MED12L: variants seen among roughly 807,000 people sequenced by gnomAD.
The protein encoded by MED12L is mediator of RNA polymerase II transcription subunit 12-like protein.
MED12L carries 60 observed loss-of-function variants against 281.3 expected under a neutral mutation model. The observed-to-expected ratio is 0.21, with a 90% CI of 0.17 to 0.26. MED12L has a LOEUF of 0.26. MED12L is among the 10% of genes least tolerant of loss of function. The pLI, the probability that MED12L is intolerant of heterozygous loss-of-function variation, is 1.00. For synonymous variants in MED12L, 974 were observed against 987.2 expected, an observed-to-expected ratio of 0.99 and a Z score of 0.25; for missense variants, 2,146 against 2,680.9, an observed-to-expected ratio of 0.80 and a Z score of 4.41.
intron 11 of MED12L, among the ~76,000 whole-genome samples, chr3:151,172,715 G>A (rs1721584994): frequency 6.6e-6 from 1 of 152,218 alleles, no homozygotes; most frequent in Non-Finnish European, 1.5e-5. Context: ...ACTGCAGAAA[G>A]TCAAATAAGG....
At chr3:151,271,530 G>A (rs1474995756) in intron 16 of MED12L, among the ~76,000 whole-genome samples, 5 of 152,148 alleles carry the variant, frequency 3.3e-5, no homozygotes, top group Admixed American at 3.3e-4. Flanking sequence ...GAAAGTGTAT[G>A]TCCATAGAAA....
At chr3:151,233,870 A>G (rs1402552138) in intron 16 of MED12L, among the ~76,000 whole-genome samples, 1 of 152,172 alleles carries the variant, frequency 6.6e-6, no homozygotes, top group African/African-American at 2.4e-5. Context: ...TGTGTTTTTT[A>G]TTTCCTCCCT....
At chr3:151,367,406 A>G (rs1206268053) in intron 23 of MED12L, among the ~76,000 whole-genome samples, 2 of 152,182 alleles carry the variant, frequency 1.3e-5, no homozygotes, top group Non-Finnish European at 2.9e-5. Flanking sequence ...ATTTGCATGT[A>G]TGCAAGTCAA....
intron 38 of MED12L, among the ~76,000 whole-genome samples, chr3:151,391,184 C>A (rs1325800458): frequency 1.3e-5 from 2 of 152,156 alleles, no homozygotes; most frequent in Non-Finnish European, 2.9e-5. Context: ...GTTTATGTTA[C>A]ACACACATAC....
intron 16 of MED12L, among the ~76,000 whole-genome samples, chr3:151,231,552 GA>G (rs1450092494): frequency 6.6e-6 from 1 of 152,134 alleles, no homozygotes; most frequent in African/African-American, 2.4e-5. Context: ...TTTAGAATAT[GA>G]AACATTTGAT....
intron 37 of MED12L, 78 bp downstream of exon 37, chr3:151,388,250 C>G: frequency 6.7e-7 from 1 of 1,487,938 alleles, no homozygotes; most frequent in Non-Finnish European, 8.9e-7. Context: ...TCATATCCCT[C>G]GAAACATTAC....
chr3:151,129,999 G>T (rs1715140162), intron 5 of MED12L, among the ~76,000 whole-genome samples: 1 of 151,888 alleles, frequency 6.6e-6, no homozygotes, highest in South Asian at 2.1e-4. Context: ...GAATGCCTGG[G>T]CTCAAGTGAT....
chr3:151,430,259 C>T (rs1252348769), intron 43 of MED12L, 40 bp from the exon 44 acceptor site: 3 of 1,612,834 alleles, frequency 1.9e-6, no homozygotes, highest in East Asian at 2.2e-5. Context: ...TGATTGGCAC[C>T]ATGGAATGAT....
chr3:151,224,162 G>A (rs921637569), intron 16 of MED12L, among the ~76,000 whole-genome samples: 3 of 152,120 alleles, frequency 2.0e-5, no homozygotes, highest in Non-Finnish European at 4.4e-5. Flanking sequence ...TTCAAATAAT[G>A]CTTTTATCAG....
At chr3:151,102,172 G>A (rs1187496319) in intron 2 of MED12L, among the ~76,000 whole-genome samples, 1 of 152,100 alleles carries the variant, frequency 6.6e-6, no homozygotes, top group African/African-American at 2.4e-5. Context: ...TTGTAGCTTT[G>A]GTTTATACTG....
intron 16 of MED12L, among the ~76,000 whole-genome samples, chr3:151,280,286 A>C (rs981016663): frequency 2.0e-5 from 3 of 152,178 alleles, no homozygotes; most frequent in African/African-American, 7.2e-5. Context: ...TCATCTTGGG[A>C]TGGGCCAGTG....
Position 151,355,168 on chromosome 3 carries a change from C to G in MED12L, c.2446C>G (p.Pro816Ala). Residue 816 changes from proline (P) to alanine (A), a missense_variant, in exon 18 of 45, where the codon CCA becomes GCA. Around this residue, in one of 9 missense-constraint regions of MED12L, gnomAD observed 404 missense variants for 603.5 expected, o/e 0.67. Transcript: ENST00000687756. ...KARKNKQETF[P>A]TLETVFTKLQ... ...CAGGAAGAACAAACAGGAGACATTT[C>G]CAACACTGGAGACTGTGTTCACTAA... The G allele has an allele frequency of 1.2e-6, 2 of 1,614,004 alleles. No homozygotes were observed. The highest frequency in any genetic ancestry group is 1.7e-6 in the Non-Finnish European group (2 of 1,179,942).
intron 4 of MED12L, among the ~76,000 whole-genome samples, chr3:151,126,075 A>G (rs1434584053): frequency 4.3e-5 from 6 of 138,888 alleles, no homozygotes; most frequent in African/African-American, 1.4e-4. Flanking sequence ...TTGAGACATG[A>G]TCTTGCTGTA....
Position 151,432,891 on chromosome 3 carries a change from C to T in MED12L, c.*87C>T. ...AATGCATTAGTCATCTTAAAAATGT[C>T]CCTTTTTTTCATTTCTTTGACATTT... On this transcript the variant is annotated 3_prime_UTR_variant, in exon 45 of 45. Transcript: ENST00000687756. 1 of 961,816 alleles carries T rather than the reference C, an allele frequency of 1.0e-6. No homozygotes were observed. Among genetic ancestry groups the T allele is most frequent in the Non-Finnish European group, 1.5e-6 (1 of 647,428 alleles). The allele number at this position is 961,816 out of a possible 1,614,324, so 59.6% of individuals were successfully genotyped here. A position where few individuals can be genotyped will look rare whatever the true frequency, so the allele number is the denominator to read the frequency against.
chr3:151,232,071 A>T (rs1449302883), intron 16 of MED12L, among the ~76,000 whole-genome samples: 1 of 152,184 alleles, frequency 6.6e-6, no homozygotes, highest in Non-Finnish European at 1.5e-5. Context: ...CGAATGCCTA[A>T]TAACAGTCTC....
chr3:151,105,789 A>G (rs1429729494), intron 2 of MED12L, among the ~76,000 whole-genome samples: 2 of 152,138 alleles, frequency 1.3e-5, no homozygotes, highest in Admixed American at 6.5e-5. Flanking sequence ...CTAGACCTGT[A>G]TAGCTGAGTG....
rs367582136 is a variant in MED12L, at chr3:151,331,846, A to G, written c.2251-18213A>G. On this transcript the variant is annotated intron_variant, in intron 16 of 44. Coordinates refer to ENST00000687756, the MANE Select transcript of MED12L (RefSeq NM_001393769.1). ...GAGTTGAGAAAAAAGGAAATGCAGA[A>G]GTTAAGCCATTTTCCCCATATCATG... Among the ~76,000 whole-genome samples the G allele has an allele frequency of 4.6e-5, 7 of 152,308 alleles. No individual in the cohort carries two copies. In the East Asian group the frequency reaches 9.6e-4, roughly 21 times the overall value.
intron 16 of MED12L, among the ~76,000 whole-genome samples, chr3:151,345,641 C>T (rs4679794): frequency 6.6e-6 from 1 of 151,368 alleles, no homozygotes; most frequent in Non-Finnish European, 1.5e-5. Flanking sequence ...CCTCAGCCTC[C>T]CGAGTAGCTG....
intron 16 of MED12L, chr3:151,329,633 A>G (rs1450564960): frequency 1.4e-6 from 1 of 715,346 alleles, no homozygotes; most frequent in Admixed American, 2.9e-5. Flanking sequence ...GAACCTCTTC[A>G]TATTTAGACC....
Sources: allele counts gnomAD v4.1 joint callset (sites outside exome capture counted in the v4.1 genomes callset), GRCh38; gene constraint gnomAD v4.1.1; regional missense constraint gnomAD v4.1.1; transcripts MANE v1.5; gene names NCBI Gene and HGNC (gene_info 2026-07-23, HGNC 2026-07-21).